EXOC6: variants seen among roughly 807,000 people sequenced by gnomAD.
EXOC6 encodes the protein SEC15-like 1.
In EXOC6, 60 loss-of-function variants were observed where a neutral mutation model predicts 112.5. The observed-to-expected ratio is 0.53, with a 90% CI of 0.43 to 0.66. The LOEUF is 0.66. EXOC6 is among the 30% of genes least tolerant of loss of function. The probability of loss-of-function intolerance (pLI) is 0.00; values close to 1 mark genes in which losing one functional copy is unlikely to be tolerated. For missense variants in EXOC6, 855 were observed against 957.1 expected (o/e 0.89, Z 1.41); for synonymous variants, 295 against 308.0 (o/e 0.96, Z 0.44).
intron 18 of EXOC6, among the ~76,000 whole-genome samples, chr10:92,983,777 G>A (rs1285109524): frequency 6.6e-6 from 1 of 151,932 alleles, no homozygotes; most frequent in Non-Finnish European, 1.5e-5. Context: ...AAAGTGATAG[G>A]ATTATAGGCA....
At chr10:92,963,972 A>C in intron 17 of EXOC6, among the ~76,000 whole-genome samples, 1 of 151,934 alleles carries the variant, frequency 6.6e-6, no homozygotes, top group South Asian at 2.1e-4. Context: ...TATAAGGCAC[A>C]ATACATATCC....
chr10:92,827,801 G>A (rs1049148595), intron 1 of EXOC6, among the ~76,000 whole-genome samples: 3 of 152,088 alleles, frequency 2.0e-5, no homozygotes, highest in African/African-American at 7.2e-5. Flanking sequence ...GATTTTCTTG[G>A]ACTTTTGCTC....
At chr10:92,989,972 A>T (rs758013593) in intron 18 of EXOC6, among the ~76,000 whole-genome samples, 15 of 152,188 alleles carry the variant, frequency 9.9e-5, no homozygotes, top group Non-Finnish European at 1.6e-4. Context: ...TATTATATCC[A>T]TTGTTATGAG....
At chr10:92,834,824 G>T in exon 1 of EXOC6, 1 of 1,585,356 alleles carries the variant, frequency 6.3e-7, no homozygotes, top group African/African-American at 1.3e-5. Flanking sequence ...GCTACTTTAA[G>T]GTAGGGCACC....
intron 6 of EXOC6, among the ~76,000 whole-genome samples, chr10:92,913,542 C>T (rs1311450915): frequency 6.6e-6 from 1 of 152,192 alleles, no homozygotes; most frequent in South Asian, 2.1e-4. Flanking sequence ...TAGGTGTTCA[C>T]CAAGAATGTC....
At chr10:92,940,637 C>A in intron 12 of EXOC6, 90 bp from the exon 13 acceptor site, 1 of 798,550 alleles carries the variant, frequency 1.3e-6, no homozygotes, top group Non-Finnish European at 2.0e-6. Context: ...TCTAGTGATT[C>A]CTTCCAAATG....
At chr10:93,028,617 C>G (rs916288971) in intron 20 of EXOC6, among the ~76,000 whole-genome samples, 2 of 152,038 alleles carry the variant, frequency 1.3e-5, no homozygotes, top group Non-Finnish European at 2.9e-5. Context: ...GGTGGATCAC[C>G]TGAGGTCGGG....
intron 1 of EXOC6, chr10:92,834,848 G>T (rs1846614094): frequency 2.7e-6 from 4 of 1,459,012 alleles, no homozygotes; most frequent in Non-Finnish European, 3.8e-6. Flanking sequence ...GCATTTTATT[G>T]TGTCTTCTTT....
At chr10:93,019,324 C>CTT (rs1844677602) in intron 20 of EXOC6, among the ~76,000 whole-genome samples, 1 of 152,160 alleles carries the variant, frequency 6.6e-6, no homozygotes, top group Non-Finnish European at 1.5e-5. Flanking sequence ...ATTGCTGATT[C>CTT]TTTCTATGTT....
At chr10:92,957,149 A>AT (rs1158127650) in intron 17 of EXOC6, among the ~76,000 whole-genome samples, 2 of 152,070 alleles carry the variant, frequency 1.3e-5, no homozygotes, top group East Asian at 3.8e-4. Context: ...TTTATGTTAG[A>AT]TTTTACATAA....
intron 1 of EXOC6, among the ~76,000 whole-genome samples, chr10:92,862,127 A>G (rs1272773199): frequency 2.0e-5 from 3 of 152,214 alleles, no homozygotes; most frequent in Non-Finnish European, 4.4e-5. Context: ...GAAACCTTGT[A>G]CACATTAAAT....
intron 8 of EXOC6, among the ~76,000 whole-genome samples, chr10:92,925,299 A>T (rs963729493): frequency 2.9e-4 from 42 of 146,968 alleles, no homozygotes; most frequent in African/African-American, 9.2e-4. Flanking sequence ...AATTCCATAA[A>T]TTTTTTTTTT....
At chr10:93,054,060 T>G (rs967282398) in intron 20 of EXOC6, among the ~76,000 whole-genome samples, 3 of 152,226 alleles carry the variant, frequency 2.0e-5, no homozygotes, top group African/African-American at 7.2e-5. Context: ...GGTTTCTATT[T>G]TATTCTATAT....
chr10:93,036,908 G>C lies in EXOC6; in HGVS notation c.2170-20016G>C, dbSNP rs7073571. ...CATAATGTAAAAAGAGACAGTCCCA[G>C]ATTTACCTGTTTTCAATTATCAATA... On this transcript the variant is annotated intron_variant, in intron 20 of 21. Transcript: ENST00000260762. Among the ~76,000 whole-genome samples, 876 of 152,210 alleles carry C rather than the reference G, an allele frequency of 5.8e-3. 8 individuals are homozygous for C. Among genetic ancestry groups the C allele is most frequent in the African/African-American group, 0.02 (819 of 41,538 alleles).
At chr10:93,043,025 C>A (rs1845855572) in intron 20 of EXOC6, among the ~76,000 whole-genome samples, 1 of 151,914 alleles carries the variant, frequency 6.6e-6, no homozygotes, top group Admixed American at 6.6e-5. Flanking sequence ...CAACCTCTGC[C>A]TCCTGGGTTC....
chr10:92,976,504 G>C (rs1842617227), intron 18 of EXOC6, among the ~76,000 whole-genome samples: 1 of 151,584 alleles, frequency 6.6e-6, no homozygotes, highest in African/African-American at 2.4e-5. Context: ...CTAATCTCAA[G>C]TACCCAGGGA....
upstream of EXOC6, among the ~76,000 whole-genome samples, chr10:92,843,706 G>A (rs1438688889): frequency 6.6e-6 from 1 of 151,560 alleles, no homozygotes. Flanking sequence ...AATTAGCTGA[G>A]TGGGCCGTCG....
chr10:92,922,184 G>T (rs1209188664), intron 8 of EXOC6, among the ~76,000 whole-genome samples: 1 of 152,082 alleles, frequency 6.6e-6, no homozygotes, highest in African/African-American at 2.4e-5. Flanking sequence ...GACCTCAGGT[G>T]ATCTGCCCAC....
chr10:92,905,630 G>A (rs939527063), intron 5 of EXOC6, among the ~76,000 whole-genome samples: 2 of 151,936 alleles, frequency 1.3e-5, no homozygotes, highest in African/African-American at 4.8e-5. Flanking sequence ...TAGGAATGGT[G>A]AGAGGGAGCT....
Sources: allele counts gnomAD v4.1 joint callset (sites outside exome capture counted in the v4.1 genomes callset), GRCh38; gene constraint gnomAD v4.1.1; transcripts MANE v1.5; gene names NCBI Gene and HGNC (gene_info 2026-07-23, HGNC 2026-07-21).